Variants in GPC5 observed in about 807,000 individuals in gnomAD.
The protein encoded by GPC5 is glypican 5, also known as glypican-5.
GPC5 carries 47 observed loss-of-function variants against 53.9 expected under a neutral mutation model. The observed-to-expected ratio is 0.87, with a 90% CI of 0.69 to 1.11. GPC5 has a LOEUF of 1.11. Ranked by LOEUF, GPC5 falls within the 50% of genes most tolerant of loss-of-function variation. GPC5 has a pLI of 0.00. For missense variants in GPC5, 748 were observed against 713.1 expected, an observed-to-expected ratio of 1.05 and a Z score of -0.56; for synonymous variants, 286 against 263.3, an observed-to-expected ratio of 1.09 and a Z score of -0.84.
intron 5 of GPC5, among the ~76,000 whole-genome samples, chr13:91,854,484 TACTC>T (rs909757873): frequency 8.6e-5 from 13 of 151,722 alleles, no homozygotes; most frequent in Non-Finnish European, 1.5e-4. Flanking sequence ...TAATAGGTCT[TACTC>T]ATTCTTTCTA....
rs1594292455 is a variant in GPC5, at chr13:92,545,018, A to G, written c.1562-321264A>G. On this transcript the variant is annotated intron_variant, in intron 7 of 7. Transcript: ENST00000377067. ...TGTGCCAGGTTGGTGTGCTGCACCC[A>G]TTAACTCGTCATTTAGCATTAGGTA... Among the ~76,000 whole-genome samples, 4 of 151,970 alleles carry G rather than the reference A, an allele frequency of 2.6e-5. No homozygotes were observed. The South Asian group carries it at 8.3e-4, about 32-fold the overall frequency.
intron 7 of GPC5, among the ~76,000 whole-genome samples, chr13:92,706,931 T>C (rs1013775815): frequency 6.6e-5 from 10 of 152,102 alleles, no homozygotes; most frequent in African/African-American, 2.4e-4. Context: ...GGGGTGGGGC[T>C]CCCATGATTG....
chr13:92,259,047 A>G (rs1161683449), intron 7 of GPC5, among the ~76,000 whole-genome samples: 2 of 152,196 alleles, frequency 1.3e-5, no homozygotes, highest in South Asian at 2.1e-4. Flanking sequence ...TAAAATTACA[A>G]TGCTGCTTGA....
intron 1 of GPC5, among the ~76,000 whole-genome samples, chr13:91,413,736 T>G (rs895707416): frequency 6.6e-6 from 1 of 152,224 alleles, no homozygotes; most frequent in African/African-American, 2.4e-5. Context: ...TCATCTTGGC[T>G]CTGATGTAGC....
At chr13:92,372,595 C>A (rs1179388595) in intron 7 of GPC5, among the ~76,000 whole-genome samples, 2 of 152,112 alleles carry the variant, frequency 1.3e-5, no homozygotes, top group Non-Finnish European at 2.9e-5. Flanking sequence ...CTTCCCTTTA[C>A]TGAAAATATT....
intron 6 of GPC5, among the ~76,000 whole-genome samples, chr13:91,932,720 A>G (rs546847352): frequency 1.3e-5 from 2 of 152,040 alleles, no homozygotes; most frequent in African/African-American, 2.4e-5. Context: ...ATTTTCTCGT[A>G]TCAGAGTCAT....
At chr13:91,942,934 A>G (rs942834155) in intron 6 of GPC5, among the ~76,000 whole-genome samples, 8 of 152,124 alleles carry the variant, frequency 5.3e-5, no homozygotes, top group African/African-American at 1.7e-4. Flanking sequence ...TCATGGAGAC[A>G]TTAAAAACAC....
chr13:92,480,634 G>T (rs1307462130), intron 7 of GPC5, among the ~76,000 whole-genome samples: 2 of 151,996 alleles, frequency 1.3e-5, no homozygotes, highest in South Asian at 2.1e-4. Context: ...ATTATCCCAG[G>T]CCTCGTGTTT....
chr13:92,184,817 T>C (rs2042172661), intron 7 of GPC5, among the ~76,000 whole-genome samples: 1 of 152,152 alleles, frequency 6.6e-6, no homozygotes, highest in Admixed American at 6.5e-5. Flanking sequence ...CTTTTTCTGG[T>C]AATTAATATG....
rs1668912574 is a variant in GPC5 at position 92,179,794 on chromosome 13, A to G, written c.1561+34805A>G. 3.3e-5 allele frequency among the ~76,000 whole-genome samples: 5 copies of G among 152,278 alleles called. No homozygotes were observed. The South Asian group carries it at 1.0e-3, about 32-fold the overall frequency. On this transcript the variant is annotated intron_variant, in intron 7 of 7. Coordinates refer to ENST00000377067, the MANE Select transcript of GPC5 (RefSeq NM_004466.6). ...AGAACTTTCTGTTCTGGCACATGGG[A>G]AGATTGAATTTTTTAAAGCAAAGTA...
chr13:92,225,564 C>A (rs1414276601), intron 7 of GPC5, among the ~76,000 whole-genome samples: 3 of 152,080 alleles, frequency 2.0e-5, no homozygotes, highest in Non-Finnish European at 4.4e-5. Flanking sequence ...TAATGCAGTC[C>A]AATAATTGTG....
At chr13:91,827,959 A>G (rs1397731960) in intron 5 of GPC5, among the ~76,000 whole-genome samples, 1 of 152,076 alleles carries the variant, frequency 6.6e-6, no homozygotes, top group Non-Finnish European at 1.5e-5. Flanking sequence ...AGCAGAAAAG[A>G]TAACCAAACT....
intron 6 of GPC5, chr13:92,059,948 C>T (rs1278706260): frequency 2.6e-5 from 4 of 151,026 alleles, no homozygotes; most frequent in Middle Eastern, 3.5e-3. Context: ...GTTTGCTTTA[C>T]GTTGGTGCAA....
In GPC5 at chr13:92,685,327, T is replaced by G. The variant is rs1333488240; in HGVS notation, c.1562-180955T>G. On this transcript the variant is annotated intron_variant, in intron 7 of 7. Transcript: ENST00000377067. ...CCAGGCTAATCTTGAACTCCTGACCTTGGGTGATCCACCCTCCTCAGCCTC... is the reference window on the plus strand; with the variant it reads ...CCAGGCTAATCTTGAACTCCTGACCGTGGGTGATCCACCCTCCTCAGCCTC... 2.6e-5 allele frequency among the ~76,000 whole-genome samples: 4 copies of G among 151,954 alleles called. No individual in the cohort carries two copies. The South Asian group carries it at 6.2e-4, about 24-fold the overall frequency.
At chr13:91,492,609 G>C (rs144999365) in intron 2 of GPC5, among the ~76,000 whole-genome samples, 7 of 152,318 alleles carry the variant, frequency 4.6e-5, no homozygotes, top group Middle Eastern at 3.4e-3. Flanking sequence ...ACATTGTGGA[G>C]TACCAGCTGC....
chr13:91,623,755 G>A (rs996838803), intron 2 of GPC5, among the ~76,000 whole-genome samples: 8 of 152,052 alleles, frequency 5.3e-5, no homozygotes, highest in Non-Finnish European at 1.2e-4. Flanking sequence ...AATATAGAGG[G>A]ACCTTCTTTG....
intron 1 of GPC5, among the ~76,000 whole-genome samples, chr13:91,444,114 A>C (rs993088786): frequency 1.7e-4 from 26 of 151,922 alleles, no homozygotes; most frequent in Non-Finnish European, 3.4e-4. Context: ...GATTTTTCAA[A>C]ATTTTTATTT....
At chr13:92,393,957 T>C (rs1358288059) in intron 7 of GPC5, among the ~76,000 whole-genome samples, 3 of 152,214 alleles carry the variant, frequency 2.0e-5, no homozygotes, top group Non-Finnish European at 4.4e-5. Flanking sequence ...AGATGAACTT[T>C]GTTGGTATTC....
chr13:91,579,985 CA>C (rs1200147742), intron 2 of GPC5, among the ~76,000 whole-genome samples: 1 of 152,044 alleles, frequency 6.6e-6, no homozygotes, highest in African/African-American at 2.4e-5. Flanking sequence ...ACTTCTTGGG[CA>C]ATAATTTTAT....
Sources: gnomAD v4.1 joint callset for allele counts (sites outside exome capture counted in the v4.1 genomes callset) on GRCh38, gnomAD v4.1.1 for gene constraint, MANE v1.5 for transcripts, NCBI Gene and HGNC (gene_info 2026-07-23, HGNC 2026-07-21) for gene names.